Variants in CMIP observed in about 807,000 individuals in gnomAD.
CMIP encodes c-Maf inducing protein.
A neutral mutation model predicts 97.3 loss-of-function variants in CMIP; 13 were observed. The observed-to-expected ratio is 0.13, with a 90% CI of 0.09 to 0.21. The LOEUF is 0.21. Ranked by LOEUF, CMIP falls within the 10% of genes least tolerant of loss-of-function variation. The pLI is 1.00. For synonymous variants in CMIP, 538 were observed against 436.3 expected, an observed-to-expected ratio of 1.23 and a Z score of -2.91; for missense variants, 847 against 1,024.9, an observed-to-expected ratio of 0.83 and a Z score of 2.37.
In CMIP at chr16:81,686,143, C is replaced by A. The variant is rs28375552; in HGVS notation, c.1389-5632C>A. ...ACGCATGGGAGCCCTTGGAGAGCACCTGGCACGCAGCAGGCGCTGCAGACG... is the reference window on the plus strand; with the variant it reads ...ACGCATGGGAGCCCTTGGAGAGCACATGGCACGCAGCAGGCGCTGCAGACG... On this transcript the variant is annotated intron_variant, in intron 10 of 20. Coordinates refer to ENST00000537098, the MANE Select transcript of CMIP (RefSeq NM_198390.3). Among the ~76,000 whole-genome samples the A allele has an allele frequency of 3.4e-4, 51 of 151,842 alleles. 1 individual carries two copies. In the Middle Eastern group the frequency reaches 0.017, roughly 51 times the overall value.
chr16:81,683,744 T>C (rs1216483398), intron 10 of CMIP, among the ~76,000 whole-genome samples: 1 of 149,906 alleles, frequency 6.7e-6, no homozygotes, highest in Non-Finnish European at 1.5e-5. Context: ...TATGTGTTTA[T>C]TTTTTCTTTT....
intron 1 of CMIP, among the ~76,000 whole-genome samples, chr16:81,468,498 C>T (rs977001835): frequency 2.6e-5 from 4 of 152,248 alleles, no homozygotes; most frequent in East Asian, 1.9e-4. Flanking sequence ...CCAGGCCTCT[C>T]GCAGGGGCCT....
chr16:81,708,034 A>T, intron 20 of CMIP, among the ~76,000 whole-genome samples: 1 of 152,242 alleles, frequency 6.6e-6, no homozygotes, highest in Non-Finnish European at 1.5e-5. Flanking sequence ...TCTGCTGTGT[A>T]CCAGGCCCAT....
intron 1 of CMIP, among the ~76,000 whole-genome samples, chr16:81,586,323 T>C (rs1340594705): frequency 2.0e-5 from 3 of 152,174 alleles, no homozygotes; most frequent in Non-Finnish European, 4.4e-5. Context: ...CATCTCTTCT[T>C]GCATTGGAGG....
At chr16:81,677,513 C>T (rs1038106849) in intron 9 of CMIP, among the ~76,000 whole-genome samples, 2 of 152,152 alleles carry the variant, frequency 1.3e-5, no homozygotes, top group Non-Finnish European at 2.9e-5. Flanking sequence ...CAACTGGGCA[C>T]GTTGGGAAGC....
intron 1 of CMIP, among the ~76,000 whole-genome samples, chr16:81,476,689 C>A (rs954919595): frequency 6.6e-6 from 1 of 152,170 alleles, no homozygotes. Flanking sequence ...GAAGCCGTGG[C>A]ATATTTATTT....
At chr16:81,610,738 G>C (rs1017301009) in intron 2 of CMIP, among the ~76,000 whole-genome samples, 2 of 152,162 alleles carry the variant, frequency 1.3e-5, no homozygotes, top group Non-Finnish European at 2.9e-5. Context: ...GTTCTAGGGA[G>C]GCTGGGGCGG....
At chr16:81,700,033 T>G (rs1294870960) in intron 15 of CMIP, among the ~76,000 whole-genome samples, 2 of 152,196 alleles carry the variant, frequency 1.3e-5, no homozygotes, top group Non-Finnish European at 2.9e-5. Context: ...GGGACGCTTC[T>G]GTTCTGCTCA....
chr16:81,678,147 C>A, intron 9 of CMIP, 128 bp from the exon 10 acceptor site: 2 of 693,928 alleles, frequency 2.9e-6, no homozygotes, highest in Non-Finnish European at 4.7e-6. Flanking sequence ...TCATTTGTAG[C>A]ACAGGAATGA....
chr16:81,491,682 C>T (rs567856972), intron 1 of CMIP, among the ~76,000 whole-genome samples: 9 of 152,332 alleles, frequency 5.9e-5, no homozygotes, highest in African/African-American at 9.6e-5. Context: ...TGCCGCTTGA[C>T]GTCCCCAACT....
intron 1 of CMIP, among the ~76,000 whole-genome samples, chr16:81,605,364 C>T (rs1310373368): frequency 6.6e-6 from 1 of 152,200 alleles, no homozygotes; most frequent in African/African-American, 2.4e-5. Context: ...CAGCTGCCTC[C>T]TCCCCTAGAT....
At chr16:81,497,925 C>G (rs12599762) in intron 1 of CMIP, among the ~76,000 whole-genome samples, 57,968 of 152,264 alleles carry the variant, frequency 0.38, 11,230 homozygotes, top group East Asian at 0.48. Context: ...CCCCCAGAGG[C>G]TTCTCCAGGC....
chr16:81,533,241 C>T (rs1343994999), intron 1 of CMIP, among the ~76,000 whole-genome samples: 1 of 152,124 alleles, frequency 6.6e-6, no homozygotes, highest in Non-Finnish European at 1.5e-5. Context: ...TGTTTTTTCC[C>T]CATGACTGTA....
intron 7 of CMIP, among the ~76,000 whole-genome samples, chr16:81,667,470 C>T (rs755746664): frequency 2.6e-5 from 4 of 152,138 alleles, no homozygotes; most frequent in Non-Finnish European, 5.9e-5. Context: ...CCAAGGGGAG[C>T]GTATTTTTCA....
intron 1 of CMIP, among the ~76,000 whole-genome samples, chr16:81,599,636 G>A (rs2091623864): frequency 6.6e-6 from 1 of 152,160 alleles, no homozygotes; most frequent in South Asian, 2.1e-4. Context: ...GTTTGCCTCT[G>A]GCCAGAGGAA....
chr16:81,601,329 CA>C (rs1280724062), intron 1 of CMIP, among the ~76,000 whole-genome samples: 1 of 152,158 alleles, frequency 6.6e-6, no homozygotes, highest in African/African-American at 2.4e-5. Context: ...CAGGTTTGGG[CA>C]GGAGGGAGCT....
intron 1 of CMIP, among the ~76,000 whole-genome samples, chr16:81,516,537 C>G (rs1162098096): frequency 1.3e-5 from 2 of 152,236 alleles, no homozygotes; most frequent in African/African-American, 4.8e-5. Context: ...TCTTGGCCAG[C>G]CAGCTCTGCC....
intron 1 of CMIP, among the ~76,000 whole-genome samples, chr16:81,581,577 G>A (rs752488297): frequency 2.6e-5 from 4 of 152,156 alleles, no homozygotes; most frequent in East Asian, 1.9e-4. Flanking sequence ...TGACCAGAAC[G>A]TTGTTATGCA....
intron 3 of CMIP, among the ~76,000 whole-genome samples, chr16:81,635,558 A>G (rs2092223325): frequency 6.6e-6 from 1 of 152,192 alleles, no homozygotes; most frequent in African/African-American, 2.4e-5. Context: ...GTAAAATGAA[A>G]TGAGGACCCC....
Sources: gnomAD v4.1 joint callset for allele counts (sites outside exome capture counted in the v4.1 genomes callset) on GRCh38, gnomAD v4.1.1 for gene constraint, MANE v1.5 for transcripts, NCBI Gene and HGNC (gene_info 2026-07-23, HGNC 2026-07-21) for gene names.